ZFPM2: variants seen among roughly 807,000 people sequenced by gnomAD.
ZFPM2 encodes zinc finger protein, FOG family member 2.
A neutral mutation model predicts 98.6 loss-of-function variants in ZFPM2; 20 were observed. The observed-to-expected ratio is 0.20, with a 90% CI of 0.14 to 0.29. ZFPM2 has a LOEUF of 0.29. Among genes scored for constraint, ZFPM2 ranks in the 10% least tolerant of loss-of-function variants. ZFPM2 has a pLI of 1.00. For missense variants in ZFPM2, 1,310 were observed against 1,388.6 expected (o/e 0.94, Z 0.90); for synonymous variants, 518 against 502.7 (o/e 1.03, Z -0.41).
chr8:105,478,542 G>T (rs1403581212), intron 3 of ZFPM2, among the ~76,000 whole-genome samples: 1 of 152,098 alleles, frequency 6.6e-6, no homozygotes, highest in Non-Finnish European at 1.5e-5. Context: ...GAAATTATCC[G>T]GGTGGGCTGG....
At position 105,633,804 on chromosome 8, in the gene ZFPM2, A is replaced by G. The variant is rs189377956; in HGVS notation, c.421-442A>G. On this transcript the variant is annotated intron_variant, in intron 4 of 7. Transcript: ENST00000407775. ...TCTTACTCTAATATAAATGTTGCTC[A>G]GGACAGAGCTTTGAAATGGATCCTG... 2.8e-3 allele frequency among the ~76,000 whole-genome samples: 430 copies of G among 152,320 alleles called. 2 individuals are homozygous for G. The highest frequency in any genetic ancestry group is 9.6e-3 in the African/African-American group (401 of 41,584).
rs775589503 is a variant in ZFPM2, at chr8:105,443,311, T to TCAAAAAA, written c.200-954_200-948dup. Among the ~76,000 whole-genome samples, 64 of 74,336 alleles carry TCAAAAAA rather than the reference T, an allele frequency of 8.6e-4. 3 individuals carry two copies. Among genetic ancestry groups the TCAAAAAA allele is most frequent in the Admixed American group, 6.8e-3 (46 of 6,802 alleles). 48.8% of individuals were successfully genotyped at this position (74,336 alleles called of 152,430 possible). ...GTGACAGAGCGAGTAAGACTCCTTC[T>TCAAAAAA]CAAAAAACAAAAAACAAAAAAAAAA... On this transcript the variant is annotated intron_variant, in intron 2 of 7. Transcript: ENST00000407775.
At chr8:105,725,629 A>G (rs187916898) in intron 5 of ZFPM2, among the ~76,000 whole-genome samples, 49 of 151,874 alleles carry the variant, frequency 3.2e-4, no homozygotes, top group Middle Eastern at 3.4e-3. Flanking sequence ...CATTTGAGCA[A>G]TGGTCTAATT....
intron 1 of ZFPM2, among the ~76,000 whole-genome samples, chr8:105,357,983 T>C (rs1390071683): frequency 6.6e-6 from 1 of 152,224 alleles, no homozygotes; most frequent in Non-Finnish European, 1.5e-5. Flanking sequence ...CCTTAATGAA[T>C]TTAACAAAAT....
chr8:105,568,919 A>G (rs1815297878), intron 4 of ZFPM2, among the ~76,000 whole-genome samples: 1 of 151,356 alleles, frequency 6.6e-6, no homozygotes, highest in Non-Finnish European at 1.5e-5. Context: ...CTGAATGTCC[A>G]TTTTTTTTCC....
At chr8:105,711,363 A>G (rs1811392425) in intron 5 of ZFPM2, among the ~76,000 whole-genome samples, 2 of 152,026 alleles carry the variant, frequency 1.3e-5, no homozygotes, top group East Asian at 1.9e-4. Context: ...TTGCCCAACT[A>G]TCTGTATTAT....
chr8:105,509,504 C>T (rs1212940220), intron 3 of ZFPM2, among the ~76,000 whole-genome samples: 5 of 152,102 alleles, frequency 3.3e-5, no homozygotes, highest in African/African-American at 1.2e-4. Flanking sequence ...AAAAAATGTA[C>T]TTGCAGTGAC....
At chr8:105,752,549 T>G (rs998737048) in intron 5 of ZFPM2, among the ~76,000 whole-genome samples, 10 of 152,208 alleles carry the variant, frequency 6.6e-5, no homozygotes, top group African/African-American at 2.4e-4. Flanking sequence ...GGACGTTCTC[T>G]CCTTCTTTGT....
Position 105,642,402 on chromosome 8 carries a change from A to T in ZFPM2, c.532+8045A>T, listed in dbSNP as rs182045333. ...CTTTTTCATAATTTTCTTCACTTTG[A>T]TTATTTTACTTATATAATTTAAGAT... On this transcript the variant is annotated intron_variant, in intron 5 of 7. Transcript: ENST00000407775. Among the ~76,000 whole-genome samples the T allele has an allele frequency of 5.3e-4, 81 of 152,220 alleles. No homozygotes were observed. In the South Asian group the frequency reaches 5.6e-3, roughly 11 times the overall value.
At chr8:105,510,161 T>C (rs1380567891) in intron 3 of ZFPM2, among the ~76,000 whole-genome samples, 1 of 152,174 alleles carries the variant, frequency 6.6e-6, no homozygotes, top group Non-Finnish European at 1.5e-5. Context: ...CCCTTCTTTT[T>C]CCTTTGCTAC....
Position 105,447,295 on chromosome 8 carries a change from G to T in ZFPM2, c.301+2914G>T, listed in dbSNP as rs552689116. ...ATACTCACTATCTGGGAGATTTTTG[G>T]CAAAAAATTTGGAAGTTTGGCAAAA... On this transcript the variant is annotated intron_variant, in intron 3 of 7. Transcript: ENST00000407775. Among the ~76,000 whole-genome samples, 21 of 150,604 alleles carry T rather than the reference G, an allele frequency of 1.4e-4. No homozygotes were observed. The East Asian group carries it at 3.9e-3, about 28-fold the overall frequency.
intron 1 of ZFPM2, among the ~76,000 whole-genome samples, chr8:105,362,695 C>T (rs553830200): frequency 5.1e-4 from 77 of 152,190 alleles, no homozygotes; most frequent in South Asian, 1.0e-3. Flanking sequence ...TGAATAAATG[C>T]GCGGAAAGTC....
intron 1 of ZFPM2, among the ~76,000 whole-genome samples, chr8:105,359,157 G>A (rs1170334181): frequency 6.6e-6 from 1 of 151,956 alleles, no homozygotes; most frequent in Non-Finnish European, 1.5e-5. Context: ...GAGTGAACCT[G>A]ATGGTTTGAT....
At chr8:105,424,835 ACT>A (rs939274369) in intron 2 of ZFPM2, among the ~76,000 whole-genome samples, 1 of 152,140 alleles carries the variant, frequency 6.6e-6, no homozygotes, top group East Asian at 1.9e-4. Context: ...GTCAGTCCCC[ACT>A]CTCAGGAGGA....
At chr8:105,391,465 T>G (rs558943558) in intron 1 of ZFPM2, among the ~76,000 whole-genome samples, 13 of 152,310 alleles carry the variant, frequency 8.5e-5, no homozygotes, top group Non-Finnish European at 1.8e-4. Context: ...TGATTAAGTC[T>G]TCCAGTCATG....
At chr8:105,656,320 T>C (rs1410001300) in intron 5 of ZFPM2, among the ~76,000 whole-genome samples, 1 of 152,226 alleles carries the variant, frequency 6.6e-6, no homozygotes, top group East Asian at 1.9e-4. Flanking sequence ...AAAAATTATT[T>C]AGGTTTTTCT....
chr8:105,578,881 A>G (rs1815525582), intron 4 of ZFPM2, among the ~76,000 whole-genome samples: 1 of 152,190 alleles, frequency 6.6e-6, no homozygotes, highest in Admixed American at 6.5e-5. Flanking sequence ...CTCCACAGGC[A>G]TAATTACATT....
chr8:105,456,718 G>A (rs1046800190), intron 3 of ZFPM2, among the ~76,000 whole-genome samples: 1 of 152,112 alleles, frequency 6.6e-6, no homozygotes, highest in Non-Finnish European at 1.5e-5. Flanking sequence ...TGTTGCCCAG[G>A]CTGGAGTGCA....
chr8:105,418,479 G>C, intron 1 of ZFPM2: 1 of 494,498 alleles, frequency 2.0e-6, no homozygotes, highest in South Asian at 1.5e-5. Context: ...CAAGGGAGTT[G>C]TATTTTTATT....
Sources: allele counts gnomAD v4.1 joint callset (sites outside exome capture counted in the v4.1 genomes callset), GRCh38; gene constraint gnomAD v4.1.1; transcripts MANE v1.5; gene names NCBI Gene and HGNC (gene_info 2026-07-23, HGNC 2026-07-21).